Variants in ZFHX3 observed in about 807,000 individuals in gnomAD.
The protein encoded by ZFHX3 is zinc finger homeobox protein 3.
In ZFHX3, 42 loss-of-function variants were observed where a neutral mutation model predicts 279.1. The observed-to-expected ratio is 0.15, with a 90% CI of 0.12 to 0.19. The LOEUF (loss-of-function observed/expected upper bound fraction) is 0.19, where lower values mean the gene tolerates loss of function less well. ZFHX3 is among the 10% of genes least tolerant of loss of function. ZFHX3 has a pLI of 1.00. For missense variants in ZFHX3, 4,981 were observed against 4,754.0 expected, an observed-to-expected ratio of 1.05 and a Z score of -1.40; for synonymous variants, 2,293 against 1,957.8, an observed-to-expected ratio of 1.17 and a Z score of -4.52.
At chr16:73,855,894 A>C (rs1961715271) in intron 1 of ZFHX3, among the ~76,000 whole-genome samples, 1 of 152,190 alleles carries the variant, frequency 6.6e-6, no homozygotes, top group Non-Finnish European at 1.5e-5. Context: ...CTGTCTTACG[A>C]GATCTATGTT....
At chr16:72,846,503 G>A (rs2037484244) in intron 4 of ZFHX3, among the ~76,000 whole-genome samples, 1 of 152,216 alleles carries the variant, frequency 6.6e-6, no homozygotes, top group Non-Finnish European at 1.5e-5. Flanking sequence ...AGGTACCTTT[G>A]AGAAAGTCAG....
intron 2 of ZFHX3, among the ~76,000 whole-genome samples, chr16:73,634,045 A>C (rs185677511): frequency 6.6e-6 from 1 of 152,220 alleles, no homozygotes; most frequent in African/African-American, 2.4e-5. Context: ...AATGACTGAA[A>C]TAATATTCTT....
chr16:73,540,404 C>T (rs554982208), intron 2 of ZFHX3, among the ~76,000 whole-genome samples: 143 of 152,286 alleles, frequency 9.4e-4, no homozygotes, highest in African/African-American at 2.6e-3. Context: ...AAGGAAATAA[C>T]CCCTTTTTTC....
intron 1 of ZFHX3, among the ~76,000 whole-genome samples, chr16:73,681,284 C>T (rs2053007267): frequency 6.6e-6 from 1 of 152,084 alleles, no homozygotes; most frequent in African/African-American, 2.4e-5. Flanking sequence ...AGTGATTGAT[C>T]CAATTACTGG....
At chr16:73,290,570 A>T (rs1478797231) in intron 4 of ZFHX3, among the ~76,000 whole-genome samples, 6 of 152,210 alleles carry the variant, frequency 3.9e-5, no homozygotes, top group Admixed American at 3.9e-4. Flanking sequence ...ATAGAGGTGG[A>T]CAGGGAAGAG....
At chr16:73,697,710 C>T (rs546581809) in intron 1 of ZFHX3, among the ~76,000 whole-genome samples, 20 of 152,134 alleles carry the variant, frequency 1.3e-4, no homozygotes, top group Middle Eastern at 3.4e-3. Flanking sequence ...ATTTGTCTAC[C>T]TACTAATTGT....
intron 7 of ZFHX3, among the ~76,000 whole-genome samples, chr16:73,114,949 T>A (rs1966414373): frequency 6.6e-6 from 1 of 152,144 alleles, no homozygotes; most frequent in Non-Finnish European, 1.5e-5. Flanking sequence ...CATGCCACCA[T>A]GCCTAGCTGA....
At chr16:73,084,372 TAAAC>T (rs971808094) in intron 8 of ZFHX3, among the ~76,000 whole-genome samples, 2 of 152,230 alleles carry the variant, frequency 1.3e-5, no homozygotes, top group Admixed American at 6.5e-5. Flanking sequence ...TTAGAAATGA[TAAAC>T]AAATTCAGTG....
At chr16:72,898,068 C>A (rs974778487) in intron 3 of ZFHX3, among the ~76,000 whole-genome samples, 1 of 152,104 alleles carries the variant, frequency 6.6e-6, no homozygotes, top group South Asian at 2.1e-4. Context: ...TCAGTCAGAT[C>A]GCGTTATAGT....
intron 7 of ZFHX3, among the ~76,000 whole-genome samples, chr16:73,104,240 A>AT (rs1376250688): frequency 1.4e-5 from 1 of 73,978 alleles, no homozygotes; most frequent in Non-Finnish European, 2.9e-5. Context: ...TATTTATTTT[A>AT]TTTTTTCTGA....
At chr16:73,227,250 T>C (rs2012624635) in intron 5 of ZFHX3, among the ~76,000 whole-genome samples, 1 of 152,196 alleles carries the variant, frequency 6.6e-6, no homozygotes, top group Non-Finnish European at 1.5e-5. Flanking sequence ...TAACCTGTGG[T>C]TCTTAATAAG....
chr16:73,881,837 G>A (rs1178216076), intron 1 of ZFHX3, among the ~76,000 whole-genome samples: 2 of 151,962 alleles, frequency 1.3e-5, no homozygotes, highest in African/African-American at 4.8e-5. Context: ...TCTGTTCTCT[G>A]CAGATATTAC....
chr16:73,108,962 C>A (rs1038647444), intron 7 of ZFHX3, among the ~76,000 whole-genome samples: 7 of 151,536 alleles, frequency 4.6e-5, no homozygotes, highest in Non-Finnish European at 1.0e-4. Flanking sequence ...GGTGGTGCAG[C>A]AAAGAGGTGC....
chr16:73,208,650 G>A (rs1004338029), intron 5 of ZFHX3, among the ~76,000 whole-genome samples: 1 of 152,210 alleles, frequency 6.6e-6, no homozygotes, highest in Non-Finnish European at 1.5e-5. Flanking sequence ...AAATATGCCT[G>A]TAAAACAGAC....
rs925358293 is a variant in ZFHX3, at chr16:72,900,854, C to T, written c.3217-10892G>A. 3.9e-5 allele frequency among the ~76,000 whole-genome samples: 6 copies of T among 152,284 alleles called. No homozygotes were observed. The East Asian group carries it at 5.8e-4, about 15-fold the overall frequency. ...GCTCTGGCCAGGACAGCAATGGCCACGGAAAAAGGACCCAAGTCGGAATAC... is the reference window on the plus strand; with the variant it reads ...GCTCTGGCCAGGACAGCAATGGCCATGGAAAAAGGACCCAAGTCGGAATAC... On this transcript the variant is annotated intron_variant, in intron 3 of 9. Coordinates refer to ENST00000268489, the MANE Select transcript of ZFHX3 (RefSeq NM_006885.4).
chr16:73,860,345 C>A (rs1275450908), intron 1 of ZFHX3, among the ~76,000 whole-genome samples: 1 of 151,930 alleles, frequency 6.6e-6, no homozygotes, highest in Admixed American at 6.6e-5. Context: ...ACTTTTCAAA[C>A]TCTTCCATTT....
intron 1 of ZFHX3, among the ~76,000 whole-genome samples, chr16:73,026,694 A>AACACATAGT (rs1555543124): frequency 1.4e-5 from 2 of 138,226 alleles, no homozygotes; most frequent in Non-Finnish European, 3.3e-5. Context: ...AAAAAAAAAA[A>AACACATAGT]ACACATAGTA....
chr16:73,320,257 A>G (rs2015548974), intron 3 of ZFHX3, among the ~76,000 whole-genome samples: 2 of 152,228 alleles, frequency 1.3e-5, no homozygotes, highest in Non-Finnish European at 2.9e-5. Flanking sequence ...TTATTTAAAA[A>G]ACAAAACAAA....
intron 2 of ZFHX3, among the ~76,000 whole-genome samples, chr16:73,523,674 G>T (rs955672561): frequency 6.8e-6 from 1 of 147,754 alleles, no homozygotes; most frequent in East Asian, 2.0e-4. Flanking sequence ...GGCAAATAAA[G>T]AAAATAAAGG....
Sources: allele counts gnomAD v4.1 joint callset (sites outside exome capture counted in the v4.1 genomes callset), GRCh38; gene constraint gnomAD v4.1.1; transcripts MANE v1.5; gene names NCBI Gene and HGNC (gene_info 2026-07-23, HGNC 2026-07-21).